PTPRG: variants seen among roughly 807,000 people sequenced by gnomAD.
PTPRG encodes receptor-type tyrosine-protein phosphatase gamma.
PTPRG carries 102 observed loss-of-function variants against 165.3 expected under a neutral mutation model. The observed-to-expected ratio is 0.62, with a 90% confidence interval of 0.53 to 0.73. The LOEUF (loss-of-function observed/expected upper bound fraction) is 0.73, where lower values mean the gene tolerates loss of function less well. Ranked by LOEUF, PTPRG falls within the 30% of genes least tolerant of loss-of-function variation. The pLI, the probability that PTPRG is intolerant of heterozygous loss-of-function variation, is 0.00. For synonymous variants in PTPRG, 675 were observed against 669.5 expected (o/e 1.01, Z -0.13); for missense variants, 1,866 against 1,861.4 (o/e 1.00, Z -0.05).
chr3:62,043,482 A>G (rs1451802362), intron 4 of PTPRG, among the ~76,000 whole-genome samples: 1 of 152,214 alleles, frequency 6.6e-6, no homozygotes, highest in East Asian at 1.9e-4. Flanking sequence ...TTATGCGATC[A>G]GTTTAGAGCC....
chr3:62,291,694 T>C (rs1199425360), intron 28 of PTPRG, among the ~76,000 whole-genome samples: 1 of 152,172 alleles, frequency 6.6e-6, no homozygotes, highest in East Asian at 1.9e-4. Flanking sequence ...GCCAGCAACA[T>C]CATCTTGAAC....
At chr3:61,930,244 G>A (rs1377801173) in intron 2 of PTPRG, among the ~76,000 whole-genome samples, 1 of 152,102 alleles carries the variant, frequency 6.6e-6, no homozygotes, top group African/African-American at 2.4e-5. Context: ...AGGAAGATTT[G>A]AATATAAAAG....
intron 2 of PTPRG, among the ~76,000 whole-genome samples, chr3:61,950,162 T>G (rs1247155124): frequency 6.6e-6 from 1 of 152,236 alleles, no homozygotes; most frequent in African/African-American, 2.4e-5. Flanking sequence ...TACAAGGTCC[T>G]TTTTAGCTTT....
chr3:61,928,645 T>G (rs1178140927), intron 2 of PTPRG, among the ~76,000 whole-genome samples: 2 of 152,208 alleles, frequency 1.3e-5, no homozygotes, highest in East Asian at 3.8e-4. Flanking sequence ...GATACTATGC[T>G]TTTAAGAAGA....
chr3:62,213,125 GC>G lies in PTPRG; in HGVS notation c.2156-5725del, dbSNP rs1023719837. 4.1e-4 allele frequency among the ~76,000 whole-genome samples: 63 copies of G among 152,308 alleles called. No homozygotes were observed. The highest frequency in any genetic ancestry group is 1.5e-3 in the African/African-American group (61 of 41,570). On this transcript the variant is annotated intron_variant, in intron 12 of 29. Transcript: ENST00000474889. The surrounding 1 kb of genome is among the most constrained non-coding windows in gnomAD (Gnocchi z 4.4). ...AGGAGGCAGCTAGGTTACCAGCAAA[GC>G]TCCGAGTGAAAGTGTGCTGCTCCTG...
intron 1 of PTPRG, among the ~76,000 whole-genome samples, chr3:61,675,501 T>A (rs1304205795): frequency 6.6e-6 from 1 of 152,214 alleles, no homozygotes; most frequent in Non-Finnish European, 1.5e-5. Context: ...CCCGTATTTT[T>A]CTCACCCACA....
At chr3:62,097,725 C>T (rs910417411) in intron 5 of PTPRG, among the ~76,000 whole-genome samples, 1 of 152,112 alleles carries the variant, frequency 6.6e-6, no homozygotes, top group African/African-American at 2.4e-5. Context: ...TGATTTTCTT[C>T]TTCAGTCCTC....
At position 62,233,628 on chromosome 3, in the gene PTPRG, C is replaced by G. The variant is rs1245192590; in HGVS notation, c.2375+2317C>G. Among the ~76,000 whole-genome samples the G allele has an allele frequency of 6.6e-5, 10 of 152,154 alleles. No homozygotes were observed. Among genetic ancestry groups the G allele is most frequent in the Admixed American group, 5.9e-4 (9 of 15,278 alleles). ...CAGTGATAGCTAAATTGCAACCCTCCAAACAGCTACAAGAGCTGTTACAGA... is the reference window on the plus strand; with the variant it reads ...CAGTGATAGCTAAATTGCAACCCTCGAAACAGCTACAAGAGCTGTTACAGA... On this transcript the variant is annotated intron_variant, in intron 14 of 29. Transcript: ENST00000474889. This position sits in a 1 kb window ranked among gnomAD's most constrained non-coding sequence, Gnocchi z 4.7.
rs138789892 is a variant in PTPRG, at chr3:61,706,542, G to T, written c.86-42336G>T. ...AAGTCTCGCTCTTGTCCCCCAGGCTGAAATGCAATGGCACAATCTTGGCTC... is the reference window on the plus strand; with the variant it reads ...AAGTCTCGCTCTTGTCCCCCAGGCTTAAATGCAATGGCACAATCTTGGCTC... On this transcript the variant is annotated intron_variant, in intron 1 of 29. Coordinates refer to ENST00000474889, the MANE Select transcript of PTPRG (RefSeq NM_002841.4). Among the ~76,000 whole-genome samples the T allele has an allele frequency of 3.9e-3, 578 of 148,002 alleles. 6 individuals are homozygous for T. The highest frequency in any genetic ancestry group is 0.014 in the African/African-American group (551 of 40,024).
chr3:62,225,846 AT>A (rs1265391390), intron 13 of PTPRG, among the ~76,000 whole-genome samples: 1 of 151,680 alleles, frequency 6.6e-6, no homozygotes, highest in Non-Finnish European at 1.5e-5. Flanking sequence ...GTAGAGACGG[AT>A]TTTGCCATGT....
rs568646193 is a variant in PTPRG at position 62,167,681 on chromosome 3, CTG to C, written c.841-289_841-288del. Reference sequence around the variant, plus strand: ...TTTCCAGCAGGGCACTGCAGAAAGACTGGGACTCTCTCATGGGAGGCACAAAC... The same window carrying C: ...TTTCCAGCAGGGCACTGCAGAAAGACGGACTCTCTCATGGGAGGCACAAAC... On this transcript the variant is annotated intron_variant, in intron 7 of 29. Coordinates refer to ENST00000474889, the MANE Select transcript of PTPRG (RefSeq NM_002841.4). Among the ~76,000 whole-genome samples, 66 of 152,256 alleles carry C rather than the reference CTG, an allele frequency of 4.3e-4. 1 individual carries two copies. In the South Asian group the frequency reaches 8.7e-3, roughly 20 times the overall value.
chr3:61,792,344 C>T (rs1438173870), intron 2 of PTPRG, among the ~76,000 whole-genome samples: 5 of 152,114 alleles, frequency 3.3e-5, no homozygotes, highest in Non-Finnish European at 5.9e-5. Flanking sequence ...ACCCCCGTCA[C>T]CCCTCCGTAG....
intron 6 of PTPRG, among the ~76,000 whole-genome samples, chr3:62,150,891 C>T (rs960664785): frequency 5.3e-5 from 8 of 152,160 alleles, no homozygotes; most frequent in African/African-American, 1.7e-4. Context: ...GTGTTCAGTG[C>T]ACTTCCACAA....
chr3:62,157,516 G>T (rs1249463113), intron 7 of PTPRG, among the ~76,000 whole-genome samples: 1 of 152,172 alleles, frequency 6.6e-6, no homozygotes, highest in Non-Finnish European at 1.5e-5. Flanking sequence ...CCTCAATGAT[G>T]ATGACCTTTT....
At chr3:61,830,331 A>G (rs1030521986) in intron 2 of PTPRG, among the ~76,000 whole-genome samples, 6 of 152,184 alleles carry the variant, frequency 3.9e-5, no homozygotes, top group Non-Finnish European at 8.8e-5. Flanking sequence ...GAAGAATACT[A>G]TCATCTTTTA....
intron 2 of PTPRG, among the ~76,000 whole-genome samples, chr3:61,793,297 A>G (rs1169691872): frequency 6.6e-6 from 1 of 152,162 alleles, no homozygotes; most frequent in Non-Finnish European, 1.5e-5. Flanking sequence ...TACCTAGCCA[A>G]AGTGGTGGTT....
At chr3:62,264,351 G>C (rs1272871380) in intron 17 of PTPRG, among the ~76,000 whole-genome samples, 1 of 151,984 alleles carries the variant, frequency 6.6e-6, no homozygotes. Flanking sequence ...CAACTCTGGG[G>C]TTTTAGTATA....
In PTPRG at chr3:62,273,737, A is replaced by G; in HGVS notation, c.3358A>G (p.Ile1120Val). ...CATCCATGATGCCTTGTTGGAAGCC[A>G]TTCTTGGAAAGGAGACTGAAGTATC... ...IFIHDALLEA[I>V]LGKETEVSSN... Residue 1120 changes from isoleucine (I) to valine (V), a missense_variant, in exon 23 of 30, where the codon ATT becomes GTT. By Grantham distance (29) the Ile-to-Val change is conservative. Around this residue, in one of 3 missense-constraint regions of PTPRG, gnomAD observed 1,452 missense variants for 1,463.0 expected, o/e 0.99. Transcript: ENST00000474889. This position sits in a 1 kb window ranked among gnomAD's most constrained non-coding sequence, Gnocchi z 4.1. 6.2e-7 allele frequency: 1 copy of G among 1,613,770 alleles called. No homozygotes were observed. Among genetic ancestry groups the G allele is most frequent in the Non-Finnish European group, 8.5e-7 (1 of 1,179,716 alleles).
intron 2 of PTPRG, among the ~76,000 whole-genome samples, chr3:61,945,552 T>C (rs1390906553): frequency 2.9e-5 from 2 of 68,940 alleles, no homozygotes; most frequent in Non-Finnish European, 5.0e-5. Context: ...GGAATGAAAC[T>C]CCGTCACCAA....
Sources: gnomAD v4.1 joint callset for allele counts (sites outside exome capture counted in the v4.1 genomes callset) on GRCh38, gnomAD v4.1.1 for gene constraint, gnomAD v4.1.1 regional missense constraint, Gnocchi (gnomAD v3.1) non-coding constraint, MANE v1.5 for transcripts, NCBI Gene and HGNC (gene_info 2026-07-23, HGNC 2026-07-21) for gene names.